NLGN3: variants seen among roughly 807,000 people sequenced by gnomAD.
NLGN3 encodes neuroligin-3.
NLGN3 carries 11 observed loss-of-function variants against 42.9 expected under a neutral mutation model. That is an observed-to-expected ratio of 0.26 (90% confidence interval 0.16 to 0.42). The LOEUF is 0.42. Among genes scored for constraint, NLGN3 ranks in the 10% least tolerant of loss-of-function variants. The pLI is 1.00. For missense variants in NLGN3, 374 were observed against 733.8 expected, an observed-to-expected ratio of 0.51 and a Z score of 5.67; for synonymous variants, 279 against 312.7, an observed-to-expected ratio of 0.89 and a Z score of 1.14.
intron 7 of NLGN3, among the ~76,000 whole-genome samples, chrX:71,168,888 A>AAG (rs1291434556): frequency 4.8e-5 from 5 of 104,271 alleles, no homozygotes; most frequent in South Asian, 4.1e-4. Flanking sequence ...AAGAAAGAGA[A>AAG]AGAAAGAAAG....
Position 71,168,790 on chromosome X carries a change from GAA to G in NLGN3, c.1704-462_1704-461del, listed in dbSNP as rs34041170. 3.2e-3 allele frequency among the ~76,000 whole-genome samples: 190 copies of G among 60,279 alleles called. 4 individuals are homozygous for G. The highest frequency in any genetic ancestry group is 0.013 in the African/African-American group (156 of 11,816). The allele number at this position is 60,279 out of a possible 115,157, so 52.3% of individuals were successfully genotyped here. ...GAGAAAGAAAAAGGGAAGAAAGAAAGAAAGAGAGAGAAAGAAAGAAAGAGAAA... is the reference window on the plus strand; with the variant it reads ...GAGAAAGAAAAAGGGAAGAAAGAAAGAGAGAGAGAAAGAAAGAAAGAGAAA... On this transcript the variant is annotated intron_variant, in intron 7 of 7. Transcript: ENST00000358741.
intron 1 of NLGN3, among the ~76,000 whole-genome samples, chrX:71,146,184 C>CACAG (rs2092369083): frequency 1.2e-5 from 1 of 85,488 alleles, no homozygotes; most frequent in Non-Finnish European, 2.3e-5. Flanking sequence ...CACACACACA[C>CACAG]ACACACACAC....
chrX:71,155,471 A>AGATAACCAGCTAGAG (rs1379085938), intron 5 of NLGN3, 108 bp downstream of exon 5: 4 of 988,571 alleles, frequency 4.0e-6, no homozygotes, highest in Non-Finnish European at 5.7e-6. Flanking sequence ...AGCTGGTGCT[A>AGATAACCAGCTAGAG]ATAACCACAG....
In NLGN3 at chrX:71,170,817, G is replaced by C. The variant is rs930514309; in HGVS notation, c.*720G>C. 1.3e-6 allele frequency: 1 copy of C among 754,601 alleles called. No individual in the cohort carries two copies. The highest frequency in any genetic ancestry group is 1.6e-6 in the Non-Finnish European group (1 of 640,180). The allele number at this position is 754,601 out of a possible 1,213,427, so 62.2% of individuals were successfully genotyped here. On this transcript the variant is annotated 3_prime_UTR_variant, in exon 8 of 8. Coordinates refer to ENST00000358741, the MANE Select transcript of NLGN3 (RefSeq NM_181303.2). The stretch of plus-strand genomic sequence containing the variant: ...AGGGGAGAGATCTCCAACTCTCTCT[G>C]TGTCCGTGTGGAGGGCTGCAGAGCC...
downstream of NLGN3, chrX:71,171,790 C>T (rs1410547206): frequency 1.3e-5 from 4 of 308,445 alleles, no homozygotes; most frequent in Non-Finnish European, 1.7e-5. Flanking sequence ...GATTTTTCTA[C>T]AGGATTGTGA....
At position 71,169,473 on chromosome X, in the gene NLGN3, G is replaced by A. The variant is rs748661162; in HGVS notation, c.1923G>A (p.Thr641=). The A allele has an allele frequency of 5.0e-6, 6 of 1,211,250 alleles. No homozygotes were observed. The South Asian group carries it at 5.3e-5, about 11-fold the overall frequency. ...LYNLHDMFHY[T]STTTKVPPPD... is the part of the protein sequence containing the mutation. ...ACCTGCATGACATGTTCCACTATAC[G>A]TCCACCACCACCAAAGTGCCGCCTC... The change falls in exon 8 of 8, where the codon ACG becomes ACA. Residue 641 remains threonine (T), a synonymous_variant. Coordinates refer to ENST00000358741, the MANE Select transcript of NLGN3 (RefSeq NM_181303.2).
intron 5 of NLGN3, among the ~76,000 whole-genome samples, chrX:71,159,012 G>A (rs1444291951): frequency 9.0e-6 from 1 of 110,813 alleles, no homozygotes; most frequent in Non-Finnish European, 1.9e-5. Context: ...GCACACACAT[G>A]CATGTGCGCA....
chrX:71,154,290 G>A (rs191756874), intron 4 of NLGN3, among the ~76,000 whole-genome samples: 80 of 113,421 alleles, frequency 7.1e-4, no homozygotes, highest in Non-Finnish European at 1.1e-3. Flanking sequence ...CCTCTGCCCC[G>A]AAGGGGCCAG....
At chrX:71,147,302 G>T (rs1211273000) in intron 1 of NLGN3, among the ~76,000 whole-genome samples, 1 of 112,049 alleles carries the variant, frequency 8.9e-6, no homozygotes, top group African/African-American at 3.2e-5. Context: ...TTGAAGTTGG[G>T]CACCGGGAAC....
chrX:71,173,418 G>A (rs747646453), downstream of NLGN3, among the ~76,000 whole-genome samples: 1 of 111,767 alleles, frequency 8.9e-6, no homozygotes, highest in Non-Finnish European at 1.9e-5. Flanking sequence ...CTGTGCCCCT[G>A]TAGCCTCAGG....
intron 7 of NLGN3, among the ~76,000 whole-genome samples, chrX:71,168,820 A>AAAAG (rs2092457155): frequency 1.4e-5 from 1 of 73,824 alleles, no homozygotes; most frequent in East Asian, 4.0e-4. Flanking sequence ...AAGAGAAAAA[A>AAAAG]AAAAGAAAGA....
At chrX:71,150,467 C>G (rs997775052) in intron 3 of NLGN3, among the ~76,000 whole-genome samples, 1 of 111,015 alleles carries the variant, frequency 9.0e-6, no homozygotes, top group African/African-American at 3.3e-5. Context: ...TTTGGGAGGC[C>G]GAGGCAGGTG....
intron 4 of NLGN3, 46 bp downstream of exon 4, chrX:71,153,582 C>T (rs1297959103): frequency 9.2e-7 from 1 of 1,085,019 alleles, no homozygotes; most frequent in Admixed American, 2.4e-5. Flanking sequence ...TGGCACAGAG[C>T]CCCTCCCCTT....
chrX:71,168,569 A>G (rs1419669357), intron 7 of NLGN3, among the ~76,000 whole-genome samples: 1 of 108,542 alleles, frequency 9.2e-6, no homozygotes, highest in South Asian at 3.9e-4. Context: ...CGTCTCTACT[A>G]TAATACAAAA....
At chrX:71,171,779 C>T (rs202072106), downstream of NLGN3, 71 of 388,229 alleles carry the variant, frequency 1.8e-4, no homozygotes, top group East Asian at 0.011. Flanking sequence ...GCCCTGGGAG[C>T]GATTTTTCTA....
At chrX:71,168,599 C>T (rs112475094) in intron 7 of NLGN3, among the ~76,000 whole-genome samples, 20 of 106,382 alleles carry the variant, frequency 1.9e-4, no homozygotes, top group Admixed American at 5.1e-4. Flanking sequence ...GGCGTGGTGG[C>T]GGGTGCCTGT....
intron 5 of NLGN3, among the ~76,000 whole-genome samples, 170 bp from the exon 6 acceptor site, chrX:71,163,973 C>T (rs764811252): frequency 8.9e-6 from 1 of 112,771 alleles, no homozygotes; most frequent in South Asian, 3.7e-4. Flanking sequence ...CCTCTGTTGA[C>T]GATGCTGGAC....
chrX:71,159,725 TC>T (rs2092422713), intron 5 of NLGN3, among the ~76,000 whole-genome samples: 2 of 67,426 alleles, frequency 3.0e-5, no homozygotes, highest in South Asian at 9.7e-4. Context: ...AATTTTCTTT[TC>T]TTTTTTTTTT....
intron 3 of NLGN3, among the ~76,000 whole-genome samples, chrX:71,151,839 A>G (rs2092392530): frequency 8.9e-6 from 1 of 111,962 alleles, no homozygotes; most frequent in East Asian, 2.8e-4. Flanking sequence ...GGGATGAGCA[A>G]TTCCTTCCCG....
Sources: allele counts gnomAD v4.1 joint callset (sites outside exome capture counted in the v4.1 genomes callset), GRCh38; gene constraint gnomAD v4.1.1; transcripts MANE v1.5; gene names NCBI Gene and HGNC (gene_info 2026-07-23, HGNC 2026-07-21).